Variants in ROR2 observed in about 807,000 individuals in gnomAD.
ROR2 encodes tyrosine-protein kinase transmembrane receptor ROR2.
Under a neutral mutation model 74.9 loss-of-function variants are expected in ROR2, and 33 were observed. The observed-to-expected ratio is 0.44, with a 90% CI of 0.33 to 0.59. ROR2 has a LOEUF of 0.59. ROR2 is among the 20% of genes least tolerant of loss of function. ROR2 has a pLI of 0.02. For missense variants in ROR2, 1,216 were observed against 1,313.8 expected, an observed-to-expected ratio of 0.93 and a Z score of 1.15; for synonymous variants, 586 against 558.7, an observed-to-expected ratio of 1.05 and a Z score of -0.69.
intron 3 of ROR2, 129 bp downstream of exon 3, chr9:91,757,143 G>C (rs1377743205): frequency 2.1e-5 from 25 of 1,204,630 alleles, no homozygotes; most frequent in Non-Finnish European, 2.5e-5. Flanking sequence ...AGGCCCTAGG[G>C]AACGGTTTCA....
Position 91,748,421 on chromosome 9 carries a change from G to A in ROR2, c.494+7650C>T, listed in dbSNP as rs10992080. 4.6e-5 allele frequency among the ~76,000 whole-genome samples: 7 copies of A among 152,212 alleles called. No homozygotes were observed. In the East Asian group the frequency reaches 1.4e-3, roughly 29 times the overall value. ...ATATCAAAACATCGTGTTGTACACT[G>A]GAATATAGATAATTTTTATTGAATA... On this transcript the variant is annotated intron_variant, in intron 4 of 8. Transcript: ENST00000375708.
At chr9:91,826,556 C>T (rs776534186) in intron 1 of ROR2, among the ~76,000 whole-genome samples, 1 of 152,016 alleles carries the variant, frequency 6.6e-6, no homozygotes, top group South Asian at 2.1e-4. Flanking sequence ...CTGAGGCGGG[C>T]GGATCACAAG....
intron 1 of ROR2, chr9:91,948,527 G>A: frequency 2.1e-6 from 2 of 966,804 alleles, no homozygotes; most frequent in Non-Finnish European, 2.5e-6. Context: ...AAGTAATTAG[G>A]AATGTCTGAC....
chr9:91,928,195 C>T (rs148528853), intron 1 of ROR2, among the ~76,000 whole-genome samples: 2,062 of 152,246 alleles, frequency 0.014, 29 homozygotes, highest in Middle Eastern at 0.027. Context: ...CACCCAGGAA[C>T]AGCCCCCACC....
At chr9:91,897,230 T>C (rs1316684975) in intron 1 of ROR2, among the ~76,000 whole-genome samples, 1 of 152,244 alleles carries the variant, frequency 6.6e-6, no homozygotes, top group Non-Finnish European at 1.5e-5. Context: ...TCAAGCTACT[T>C]ATTAAAATTA....
At position 91,725,078 on chromosome 9, in the gene ROR2, C is replaced by T. The variant is rs201064212; in HGVS notation, c.1416G>A (p.Ala472=). Residue 472 remains alanine (A), a synonymous_variant, in exon 9 of 9, where the codon GCG becomes GCA. Coordinates refer to ENST00000375708, the MANE Select transcript of ROR2 (RefSeq NM_004560.4). Reference sequence around the variant, plus strand: ...CTCCCAGCTCCTCCATGAACCTCACCGCAGACAGGCTGATCTCTTTGAGTT... The same window carrying T: ...CTCCCAGCTCCTCCATGAACCTCACTGCAGACAGGCTGATCTCTTTGAGTT... The part of the protein sequence containing the change: ...QAKLKEISLS[A]VRFMEELGED... 6.4e-5 allele frequency: 103 copies of T among 1,613,914 alleles called. No individual in the cohort carries two copies. Among genetic ancestry groups the T allele is most frequent in the Middle Eastern group, 4.9e-4 (3 of 6,084 alleles).
In ROR2 at chr9:91,769,709, C is replaced by T. The variant is rs572993375; in HGVS notation, c.175+6032G>A. On this transcript the variant is annotated intron_variant, in intron 2 of 8. Coordinates refer to ENST00000375708, the MANE Select transcript of ROR2 (RefSeq NM_004560.4). ...CCTCTCTCAGTGGGGCTCAGCCTCT[C>T]GACCACCCCAACTGTGACAGCCAGC... Among the ~76,000 whole-genome samples the T allele has an allele frequency of 2.6e-5, 4 of 152,276 alleles. No individual in the cohort carries two copies. The East Asian group carries it at 5.8e-4, about 22-fold the overall frequency.
chr9:91,824,706 C>T (rs1041118576), intron 1 of ROR2, among the ~76,000 whole-genome samples: 1 of 152,204 alleles, frequency 6.6e-6, no homozygotes, highest in Non-Finnish European at 1.5e-5. Flanking sequence ...TGGTATGCAA[C>T]ACCCCCATTT....
At chr9:91,792,939 GA>G (rs1357338296) in intron 1 of ROR2, among the ~76,000 whole-genome samples, 2 of 152,054 alleles carry the variant, frequency 1.3e-5, no homozygotes, top group Non-Finnish European at 2.9e-5. Context: ...ACCCTTCCCA[GA>G]AAGGAACACA....
At chr9:91,758,832 C>A (rs985740797) in intron 2 of ROR2, among the ~76,000 whole-genome samples, 2 of 152,322 alleles carry the variant, frequency 1.3e-5, no homozygotes, top group African/African-American at 4.8e-5. Context: ...TGTGCCTGCA[C>A]ACGCAGGTGT....
intron 1 of ROR2, among the ~76,000 whole-genome samples, chr9:91,801,507 A>G (rs894640901): frequency 1.4e-4 from 22 of 151,910 alleles, no homozygotes; most frequent in African/African-American, 5.1e-4. Context: ...TAATTTTTGT[A>G]TTTTTTGTAG....
chr9:91,838,684 G>A (rs1181371553), intron 1 of ROR2, among the ~76,000 whole-genome samples: 1 of 151,436 alleles, frequency 6.6e-6, no homozygotes, highest in Non-Finnish European at 1.5e-5. Context: ...GAGCACCACG[G>A]CCGGCGCAGG....
chr9:91,929,672 G>C (rs1325585720), intron 1 of ROR2, among the ~76,000 whole-genome samples: 1 of 152,118 alleles, frequency 6.6e-6, no homozygotes, highest in Admixed American at 6.5e-5. Flanking sequence ...ACAGAGCAAA[G>C]TTGCTTCACA....
intron 1 of ROR2, among the ~76,000 whole-genome samples, chr9:91,884,498 G>A (rs953568736): frequency 1.3e-4 from 19 of 150,192 alleles, no homozygotes; most frequent in African/African-American, 3.2e-4. Flanking sequence ...AAAGGCTTGC[G>A]GGGGGCCTTC....
chr9:91,749,433 T>C (rs1825536270), intron 4 of ROR2, among the ~76,000 whole-genome samples: 1 of 152,164 alleles, frequency 6.6e-6, no homozygotes, highest in African/African-American at 2.4e-5. Context: ...ACCAGTACTC[T>C]TGGATCAGGG....
At chr9:91,792,622 G>A (rs1395859075) in intron 1 of ROR2, among the ~76,000 whole-genome samples, 2 of 152,100 alleles carry the variant, frequency 1.3e-5, no homozygotes, top group Admixed American at 1.3e-4. Context: ...CTGGTTCTTT[G>A]AAAAGATACT....
intron 1 of ROR2, among the ~76,000 whole-genome samples, chr9:91,838,953 G>A (rs1055970793): frequency 6.6e-6 from 1 of 152,164 alleles, no homozygotes; most frequent in Non-Finnish European, 1.5e-5. Flanking sequence ...GGGAGAATTA[G>A]ATAAATTTCA....
intron 1 of ROR2, among the ~76,000 whole-genome samples, chr9:91,877,495 G>T (rs939064374): frequency 6.6e-6 from 1 of 152,298 alleles, no homozygotes; most frequent in South Asian, 2.1e-4. Flanking sequence ...AACTACTATG[G>T]TGTTCAGGAA....
chr9:91,823,301 T>C (rs537679643), intron 1 of ROR2, among the ~76,000 whole-genome samples: 2 of 152,264 alleles, frequency 1.3e-5, no homozygotes, highest in South Asian at 2.1e-4. Flanking sequence ...GGGCATGTCA[T>C]GATGTCAACA....
Sources: gnomAD v4.1 joint callset for allele counts (sites outside exome capture counted in the v4.1 genomes callset) on GRCh38, gnomAD v4.1.1 for gene constraint, MANE v1.5 for transcripts, NCBI Gene and HGNC (gene_info 2026-07-23, HGNC 2026-07-21) for gene names.